The following FAM120A variants were observed in gnomAD, a reference collection of about 807,000 sequenced individuals.
FAM120A encodes the protein constitutive coactivator of PPAR-gamma-like protein 1.
A neutral mutation model predicts 109.7 loss-of-function variants in FAM120A; 15 were observed. The observed-to-expected ratio is 0.14, with a 90% CI of 0.09 to 0.21. The LOEUF (loss-of-function observed/expected upper bound fraction) is 0.21. Ranked by LOEUF, FAM120A falls within the 10% of genes least tolerant of loss-of-function variation. The probability of loss-of-function intolerance (pLI) is 1.00; values close to 1 mark genes in which losing one functional copy is unlikely to be tolerated. For synonymous variants in FAM120A, 493 were observed against 572.8 expected, an observed-to-expected ratio of 0.86 and a Z score of 1.99; for missense variants, 899 against 1,439.3, an observed-to-expected ratio of 0.62 and a Z score of 6.07.
intron 5 of FAM120A, among the ~76,000 whole-genome samples, chr9:93,511,198 T>G (rs1860302686): frequency 6.6e-6 from 1 of 152,092 alleles, no homozygotes; most frequent in Non-Finnish European, 1.5e-5. Flanking sequence ...TAATCTTACT[T>G]CTCATGGGCC....
At position 93,565,390 on chromosome 9, in the gene FAM120A, G is replaced by A. The variant is rs1410629133; in HGVS notation, c.*850G>A. ...GTGTGTAGTTAATATGCATGTTATC[G>A]TCCTTTCTTCCATTCTTAACAGTAT... On this transcript the variant is annotated 3_prime_UTR_variant, in exon 18 of 18. Transcript: ENST00000277165. 3 of 152,538 alleles carry A rather than the reference G, an allele frequency of 2.0e-5. No individual in the cohort carries two copies. Among genetic ancestry groups the A allele is most frequent in the African/African-American group, 4.8e-5 (2 of 41,426 alleles). The allele number at this position is 152,538 out of a possible 1,614,324, so 9.4% of individuals were successfully genotyped here. A position where few individuals can be genotyped will look rare whatever the true frequency, so the allele number is the denominator to read the frequency against.
chr9:93,523,503 A>G (rs1446740373), intron 7 of FAM120A: 1 of 340,440 alleles, frequency 2.9e-6, no homozygotes, highest in South Asian at 2.5e-5. Context: ...ATCTTCTCAT[A>G]AAAGTGATTC....
intron 10 of FAM120A, among the ~76,000 whole-genome samples, chr9:93,541,372 A>C (rs894791203): frequency 8.4e-4 from 128 of 152,064 alleles, no homozygotes; most frequent in Non-Finnish European, 4.6e-4. Flanking sequence ...GTATGTTCCG[A>C]GTCTACTTCT....
intron 1 of FAM120A, among the ~76,000 whole-genome samples, chr9:93,465,457 TGAAAC>T (rs1857975499): frequency 6.6e-6 from 1 of 152,244 alleles, no homozygotes; most frequent in Non-Finnish European, 1.5e-5. Flanking sequence ...ATAGGCTTTT[TGAAAC>T]TTGCCTTTAG....
Position 93,543,464 on chromosome 9 carries a change from G to C in FAM120A, c.2152G>C (p.Val718Leu). The stretch of plus-strand genomic sequence containing the variant: ...CACTCACCTCATGGTGCTCTGCTGC[G>C]TCTTACGGTGGGTGCCATGCATGGG... ...VPTHLMVLCC[V>L]LRYMVQWPGA... Residue 718 changes from valine to leucine, a missense_variant, in exon 11 of 18, where the codon GTC becomes CTC. Val to Leu is a conservative substitution (Grantham distance 32). Around this residue, in one of 11 missense-constraint regions of FAM120A, gnomAD observed 133 missense variants for 276.6 expected, o/e 0.48. Transcript: ENST00000277165. The C allele has an allele frequency of 6.2e-7, 1 of 1,613,318 alleles. No homozygotes were observed. Among genetic ancestry groups the C allele is most frequent in the Non-Finnish European group, 8.5e-7 (1 of 1,179,338 alleles).
chr9:93,452,551 T>C lies in FAM120A; in HGVS notation c.474+162T>C. On this transcript the variant is annotated intron_variant, in intron 1 of 17. Transcript: ENST00000277165. This position sits in a 1 kb window ranked among gnomAD's most constrained non-coding sequence, Gnocchi z 7.0. ...TGGCCGGGCCGGGCTGCAAGATGGA[T>C]GGCCGCGGGTGCAGGCCGCGCGCTG... is the stretch of plus-strand genomic sequence containing the variant. The C allele has an allele frequency of 1.9e-6, 3 of 1,580,546 alleles. No homozygotes were observed. Among genetic ancestry groups the C allele is most frequent in the Non-Finnish European group, 2.6e-6 (3 of 1,169,956 alleles).
chr9:93,502,696 A>G (rs961981909), intron 5 of FAM120A, among the ~76,000 whole-genome samples: 2 of 152,160 alleles, frequency 1.3e-5, no homozygotes, highest in African/African-American at 4.8e-5. Flanking sequence ...AGCATTCACT[A>G]TGTCATAATT....
intron 10 of FAM120A, among the ~76,000 whole-genome samples, chr9:93,541,456 G>A (rs1197604341): frequency 6.6e-6 from 1 of 152,096 alleles, no homozygotes; most frequent in Non-Finnish European, 1.5e-5. Flanking sequence ...TAGATTGTGC[G>A]TCCAACGACA....
chr9:93,551,916 G>A lies in FAM120A; in HGVS notation c.2274+1225G>A, dbSNP rs559105701. On this transcript the variant is annotated intron_variant, in intron 12 of 17. Coordinates refer to ENST00000277165, the MANE Select transcript of FAM120A (RefSeq NM_014612.5). ...TTAATGTTTTTGAATTTACGTTTCTGTTTTCAATGTTTGGTCAGGTGTCCC... is the reference window on the plus strand; with the variant it reads ...TTAATGTTTTTGAATTTACGTTTCTATTTTCAATGTTTGGTCAGGTGTCCC... 8.5e-5 allele frequency among the ~76,000 whole-genome samples: 13 copies of A among 152,312 alleles called. No homozygotes were observed. In the South Asian group the frequency reaches 2.7e-3, roughly 32 times the overall value.
Position 93,497,645 on chromosome 9 carries a change from T to C in FAM120A, c.933+46T>C, listed in dbSNP as rs911669119. 8.3e-6 allele frequency: 13 copies of C among 1,572,634 alleles called. No individual in the cohort carries two copies. The African/African-American group carries it at 1.8e-4, about 22-fold the overall frequency. On this transcript the variant is annotated intron_variant, in intron 4 of 17. Coordinates refer to ENST00000277165, the MANE Select transcript of FAM120A (RefSeq NM_014612.5). ...AACAAAAAAACAGATTCATGGGATA[T>C]GACGTTGCATAGTGGTGTGGCCAGG...
At chr9:93,559,199 T>C (rs1177554861) in intron 15 of FAM120A, among the ~76,000 whole-genome samples, 1 of 152,240 alleles carries the variant, frequency 6.6e-6, no homozygotes, top group Non-Finnish European at 1.5e-5. Context: ...CAGTTTACTG[T>C]AGATTCCCAG....
intron 5 of FAM120A, among the ~76,000 whole-genome samples, chr9:93,514,616 A>G (rs911338485): frequency 5.3e-5 from 8 of 152,144 alleles, no homozygotes; most frequent in African/African-American, 1.9e-4. Flanking sequence ...CCTCAGCTTG[A>G]CACATCATAG....
At position 93,529,500 on chromosome 9, in the gene FAM120A, G is replaced by A. The variant is rs150073581; in HGVS notation, c.1654G>A (p.Ala552Thr). Residue 552 changes from alanine to threonine, a missense_variant, in exon 9 of 18, where the codon GCA becomes ACA. Around this residue, in one of 11 missense-constraint regions of FAM120A, gnomAD observed 133 missense variants for 276.6 expected, o/e 0.48. Transcript: ENST00000277165. Reference sequence around the variant, plus strand: ...CACCACACCTCCCCTGCCCCCCGTCGCACCTGAGGTGCTGAGAGTGGCCGA... The same window carrying A: ...CACCACACCTCCCCTGCCCCCCGTCACACCTGAGGTGCTGAGAGTGGCCGA... ...DITTPPLPPV[A>T]PEVLRVAEHR... 4.8e-5 allele frequency: 78 copies of A among 1,614,200 alleles called. No homozygotes were observed. In the Admixed American group the frequency reaches 6.0e-4, roughly 12 times the overall value.
intron 11 of FAM120A, among the ~76,000 whole-genome samples, chr9:93,543,959 G>A (rs1007307838): frequency 3.3e-5 from 5 of 152,076 alleles, no homozygotes; most frequent in Non-Finnish European, 4.4e-5. Flanking sequence ...ATACAAACAC[G>A]GCGAGTATTT....
intron 3 of FAM120A, among the ~76,000 whole-genome samples, 192 bp downstream of exon 3, chr9:93,476,530 T>C (rs558415608): frequency 6.6e-6 from 1 of 152,312 alleles, no homozygotes; most frequent in South Asian, 2.1e-4. Context: ...TCAACACCTA[T>C]ATGTTAGGTA....
At chr9:93,536,478 AT>A (rs1405385583) in intron 10 of FAM120A, among the ~76,000 whole-genome samples, 1 of 152,246 alleles carries the variant, frequency 6.6e-6, no homozygotes, top group African/African-American at 2.4e-5. Flanking sequence ...CACTGTAACA[AT>A]AAAGAATGTC....
chr9:93,519,648 GA>G (rs1314490379), intron 7 of FAM120A, among the ~76,000 whole-genome samples: 1 of 152,078 alleles, frequency 6.6e-6, no homozygotes, highest in Non-Finnish European at 1.5e-5. Flanking sequence ...TCATTGTCCA[GA>G]CCTAACTTCT....
chr9:93,483,541 C>T (rs1442430870), intron 3 of FAM120A, among the ~76,000 whole-genome samples: 9 of 151,760 alleles, frequency 5.9e-5, no homozygotes, highest in Admixed American at 5.9e-4. Context: ...TTTAAAAATT[C>T]ATTTTTATTA....
At chr9:93,529,057 G>T (rs1391978629) in intron 8 of FAM120A, among the ~76,000 whole-genome samples, 1 of 152,180 alleles carries the variant, frequency 6.6e-6, no homozygotes, top group Non-Finnish European at 1.5e-5. Flanking sequence ...GCACCCTGCC[G>T]TATCTGCAGA....
Sources: allele counts gnomAD v4.1 joint callset (sites outside exome capture counted in the v4.1 genomes callset), GRCh38; gene constraint gnomAD v4.1.1; regional missense constraint gnomAD v4.1.1; non-coding constraint Gnocchi (gnomAD v3.1); transcripts MANE v1.5; gene names NCBI Gene and HGNC (gene_info 2026-07-23, HGNC 2026-07-21).